Variants in MEMO1 observed in about 807,000 individuals in gnomAD.
MEMO1 encodes the protein mediator of cell motility 1, also known as protein MEMO1.
Under a neutral mutation model 45.2 loss-of-function variants are expected in MEMO1, and 6 were observed. That is an observed-to-expected ratio of 0.13 (90% CI 0.07 to 0.26). The LOEUF (loss-of-function observed/expected upper bound fraction) is 0.26, where lower values mean the gene tolerates loss of function less well. MEMO1 is among the 10% of genes least tolerant of loss of function. The pLI is 1.00. For missense variants in MEMO1, 184 were observed against 370.5 expected (o/e 0.50, Z 4.13); for synonymous variants, 78 against 124.3 (o/e 0.63, Z 2.48).
chr2:31,922,131 A>C (rs2148184242), intron 4 of MEMO1, among the ~76,000 whole-genome samples: 1 of 152,290 alleles, frequency 6.6e-6, no homozygotes, highest in South Asian at 2.1e-4. Flanking sequence ...CTAGAAAAGT[A>C]TTACTGATTG....
chr2:31,986,463 C>A (rs1671273753), intron 2 of MEMO1, among the ~76,000 whole-genome samples: 2 of 152,044 alleles, frequency 1.3e-5, no homozygotes. Flanking sequence ...AAGTGTGAGA[C>A]ACTGTCTCAA....
rs147753597 is a variant in MEMO1 at position 31,975,199 on chromosome 2, C to T, written c.62-31816G>A. Among the ~76,000 whole-genome samples, 584 of 152,086 alleles carry T rather than the reference C, an allele frequency of 3.8e-3. 7 individuals are homozygous for T. Among genetic ancestry groups the T allele is most frequent in the African/African-American group, 0.014 (566 of 41,486 alleles). On this transcript the variant is annotated intron_variant, in intron 2 of 9. Transcript: ENST00000404530. ...AAAAAACAAACAAATAAATAAATAACGTTTATTCCTACTTAGTCTGCAAAA... is the reference window on the plus strand; with the variant it reads ...AAAAAACAAACAAATAAATAAATAATGTTTATTCCTACTTAGTCTGCAAAA...
chr2:31,970,773 G>A (rs1669295065), intron 2 of MEMO1, among the ~76,000 whole-genome samples: 1 of 152,184 alleles, frequency 6.6e-6, no homozygotes, highest in Non-Finnish European at 1.5e-5. Context: ...GGAGGCCGAG[G>A]TGGGGGGATC....
At chr2:31,896,520 G>GACCC (rs1558484441) in intron 6 of MEMO1, among the ~76,000 whole-genome samples, 2 of 152,156 alleles carry the variant, frequency 1.3e-5, no homozygotes, top group East Asian at 3.8e-4. Context: ...ACAAAAGTAG[G>GACCC]CTGTGGGCCA....
In MEMO1 at chr2:31,929,354, C is replaced by G. The variant is rs559012794; in HGVS notation, c.212+2713G>C. Reference sequence around the variant, plus strand: ...ATTTTTCCCATTCCGTTCATCGCTTCCACTGGTTACATTATGACATGAGTT... The same window carrying G: ...ATTTTTCCCATTCCGTTCATCGCTTGCACTGGTTACATTATGACATGAGTT... On this transcript the variant is annotated intron_variant, in intron 4 of 9. Transcript: ENST00000404530. Among the ~76,000 whole-genome samples the G allele has an allele frequency of 1.6e-4, 25 of 152,058 alleles. 2 individuals are homozygous for G. In the South Asian group the frequency reaches 3.5e-3, roughly 21 times the overall value.
intron 6 of MEMO1, among the ~76,000 whole-genome samples, chr2:31,915,592 T>C (rs925572430): frequency 6.6e-6 from 1 of 152,058 alleles, no homozygotes; most frequent in Non-Finnish European, 1.5e-5. Context: ...GTCTAAGCTA[T>C]TCTTCTAGAG....
At chr2:31,988,502 G>A (rs1466853211) in intron 2 of MEMO1, among the ~76,000 whole-genome samples, 1 of 151,928 alleles carries the variant, frequency 6.6e-6, no homozygotes, top group Non-Finnish European at 1.5e-5. Context: ...AGCCAAGATG[G>A]GGCACTGCAC....
intron 3 of MEMO1, among the ~76,000 whole-genome samples, chr2:31,940,973 G>A (rs568002546): frequency 6.6e-6 from 1 of 152,246 alleles, no homozygotes; most frequent in East Asian, 1.9e-4. Context: ...AATTATAATT[G>A]TAAAATAAGC....
intron 2 of MEMO1, among the ~76,000 whole-genome samples, chr2:31,962,038 A>T (rs2148413007): frequency 6.6e-6 from 1 of 152,172 alleles, no homozygotes; most frequent in Admixed American, 6.5e-5. Context: ...TGAAGAGGAT[A>T]AACTCAATTG....
chr2:31,941,955 A>G (rs1275856819), intron 3 of MEMO1, among the ~76,000 whole-genome samples: 1 of 152,216 alleles, frequency 6.6e-6, no homozygotes, highest in African/African-American at 2.4e-5. Context: ...TGTCATCACT[A>G]TTTACTATTT....
At chr2:31,884,461 A>T (rs765462611) in intron 7 of MEMO1, among the ~76,000 whole-genome samples, 3 of 152,180 alleles carry the variant, frequency 2.0e-5, no homozygotes, top group African/African-American at 4.8e-5. Flanking sequence ...GTTCAGAGCA[A>T]TGTTGATATA....
rs114590678 is a variant in MEMO1, at chr2:31,897,350, G to T, written c.438-5216C>A. Among the ~76,000 whole-genome samples, 920 of 152,198 alleles carry T rather than the reference G, an allele frequency of 6.0e-3. 12 individuals are homozygous for T. Among genetic ancestry groups the T allele is most frequent in the African/African-American group, 0.021 (862 of 41,510 alleles). ...CCCATGCAGTATGATACTGACTGTG[G>T]GTCTGTCATAAATAGCTCTTATTAT... is the stretch of plus-strand genomic sequence containing the variant. On this transcript the variant is annotated intron_variant, in intron 6 of 9. Coordinates refer to ENST00000404530, the MANE Select transcript of MEMO1 (RefSeq NM_001301833.4).
chr2:31,933,317 TAAAAAAAAAAAAAAAAAA>T lies in MEMO1; in HGVS notation c.144-1200_144-1183del, dbSNP rs34487390. 4.6e-4 allele frequency among the ~76,000 whole-genome samples: 11 copies of T among 24,112 alleles called. 2 individuals are homozygous for T. The highest frequency in any genetic ancestry group is 1.4e-3 in the African/African-American group (8 of 5,626). The allele number at this position is 24,112 out of a possible 152,430, so 15.8% of individuals were successfully genotyped here. On this transcript the variant is annotated intron_variant, in intron 3 of 9. Transcript: ENST00000404530. ...ATGACAGAGCGAGATACCACCTCTTTAAAAAAAAAAAAAAAAAAAAAAAAAAAAAAAATTTATATATAT... is the reference window on the plus strand; with the variant it reads ...ATGACAGAGCGAGATACCACCTCTTTAAAAAAAAAAAAAATTTATATATAT...
intron 4 of MEMO1, 84 bp downstream of exon 4, chr2:31,931,983 A>AT: frequency 1.7e-6 from 2 of 1,173,428 alleles, no homozygotes; most frequent in Non-Finnish European, 2.5e-6. Context: ...CATAATAACA[A>AT]TAAGTATAAA....
chr2:31,942,594 C>A (rs1378196503), intron 3 of MEMO1, among the ~76,000 whole-genome samples: 2 of 151,806 alleles, frequency 1.3e-5, no homozygotes, highest in Non-Finnish European at 2.9e-5. Context: ...CAACCTCCAC[C>A]TCCCAAGCTT....
chr2:31,983,115 G>T (rs1399428442), intron 2 of MEMO1, among the ~76,000 whole-genome samples: 1 of 151,750 alleles, frequency 6.6e-6, no homozygotes, highest in Non-Finnish European at 1.5e-5. Context: ...ACAAAAATTA[G>T]CTGGGTGTGG....
intron 3 of MEMO1, among the ~76,000 whole-genome samples, chr2:31,937,670 A>C (rs1392568416): frequency 6.6e-6 from 1 of 152,208 alleles, no homozygotes. Context: ...GAAAAGTGGA[A>C]GTATCCTTTC....
At chr2:31,873,676 AT>A (rs1482365708) in intron 8 of MEMO1, among the ~76,000 whole-genome samples, 1 of 152,156 alleles carries the variant, frequency 6.6e-6, no homozygotes, top group Non-Finnish European at 1.5e-5. Flanking sequence ...CCAGAATCAT[AT>A]CTTTTAATTC....
Position 31,961,370 on chromosome 2 carries a change from A to G in MEMO1, c.62-17987T>C, listed in dbSNP as rs116745851. On this transcript the variant is annotated intron_variant, in intron 2 of 9. Transcript: ENST00000404530. ...AGGCTCCATCAAAAAAAAAGAGGCA[A>G]CAATATGCCAGAAAAAACTGCAATC... is the stretch of plus-strand genomic sequence containing the variant. Among the ~76,000 whole-genome samples the G allele has an allele frequency of 8.2e-3, 1,248 of 152,188 alleles. 24 individuals carry two copies. Among genetic ancestry groups the G allele is most frequent in the African/African-American group, 0.028 (1,171 of 41,524 alleles).
Sources: gnomAD v4.1 joint callset for allele counts (sites outside exome capture counted in the v4.1 genomes callset) on GRCh38, gnomAD v4.1.1 for gene constraint, MANE v1.5 for transcripts, NCBI Gene and HGNC (gene_info 2026-07-23, HGNC 2026-07-21) for gene names.